Variants in FAM13A observed in about 807,000 individuals in gnomAD.
The protein encoded by FAM13A is protein FAM13A.
In FAM13A, 76 loss-of-function variants were observed where a neutral mutation model predicts 129.6. That is an observed-to-expected ratio of 0.59 (90% confidence interval 0.49 to 0.71). FAM13A has a LOEUF of 0.71. FAM13A is among the 30% of genes least tolerant of loss of function. The probability of loss-of-function intolerance (pLI) is 0.00; values close to 1 mark genes in which losing one functional copy is unlikely to be tolerated. For synonymous variants in FAM13A, 443 were observed against 449.9 expected (o/e 0.98, Z 0.20); for missense variants, 1,108 against 1,249.3 (o/e 0.89, Z 1.70).
chr4:88,824,384 A>G (rs939960737), intron 7 of FAM13A, among the ~76,000 whole-genome samples: 9 of 152,198 alleles, frequency 5.9e-5, no homozygotes, highest in Non-Finnish European at 5.9e-5. Flanking sequence ...CCTATTTATT[A>G]TAAGACATCT....
intron 2 of FAM13A, among the ~76,000 whole-genome samples, chr4:89,026,601 T>A (rs1479443468): frequency 6.6e-6 from 1 of 152,176 alleles, no homozygotes; most frequent in African/African-American, 2.4e-5. Context: ...AGGCACCTTC[T>A]TCACAAGGCA....
At chr4:88,882,857 A>G (rs975582183) in intron 6 of FAM13A, among the ~76,000 whole-genome samples, 2 of 152,144 alleles carry the variant, frequency 1.3e-5, no homozygotes, top group Admixed American at 6.5e-5. Flanking sequence ...AACAAGCAGG[A>G]GTAGCTATTC....
At chr4:88,799,850 C>T (rs542413524) in intron 8 of FAM13A, among the ~76,000 whole-genome samples, 2 of 152,316 alleles carry the variant, frequency 1.3e-5, no homozygotes, top group African/African-American at 2.4e-5. Context: ...GATATTTGTA[C>T]ATCCATGTTC....
chr4:88,786,231 C>G (rs1040209256), intron 10 of FAM13A, among the ~76,000 whole-genome samples: 5 of 152,134 alleles, frequency 3.3e-5, no homozygotes, highest in African/African-American at 1.2e-4. Context: ...ACTCTCTGTT[C>G]TCTCTCATGC....
In FAM13A at chr4:88,743,312, C is replaced by T. The variant is rs557201131; in HGVS notation, c.2466+3620G>A. On this transcript the variant is annotated intron_variant, in intron 19 of 23. Transcript: ENST00000264344. ...GGCAGCTGCATTTGTCTGCCTTTAT[C>T]TTTTGTGACGGTTTTGGTCTTAGCT... 3.9e-5 allele frequency among the ~76,000 whole-genome samples: 6 copies of T among 152,328 alleles called. No homozygotes were observed. The South Asian group carries it at 1.2e-3, about 32-fold the overall frequency.
chr4:88,837,718 CAAAAA>C (rs34184242), intron 7 of FAM13A, among the ~76,000 whole-genome samples: 1 of 71,588 alleles, frequency 1.4e-5, no homozygotes, highest in Admixed American at 1.6e-4. Context: ...AACTCCGTCT[CAAAAA>C]AAAAAAAAAA....
chr4:88,810,420 G>A (rs1244478344), intron 7 of FAM13A, among the ~76,000 whole-genome samples: 1 of 152,080 alleles, frequency 6.6e-6, no homozygotes, highest in Non-Finnish European at 1.5e-5. Context: ...AGATGGGCCT[G>A]AATCTAATAT....
chr4:89,027,749 A>C (rs1332905697), intron 2 of FAM13A, among the ~76,000 whole-genome samples: 4 of 152,156 alleles, frequency 2.6e-5, no homozygotes, highest in Non-Finnish European at 4.4e-5. Context: ...AAGCACTGTG[A>C]TACCACAATG....
intron 4 of FAM13A, among the ~76,000 whole-genome samples, chr4:88,989,184 G>T (rs984743892): frequency 6.7e-6 from 1 of 149,494 alleles, no homozygotes; most frequent in Non-Finnish European, 1.5e-5. Flanking sequence ...CTCCAACCTG[G>T]GTGACAGAGC....
At chr4:88,818,210 A>C (rs1436429292) in intron 7 of FAM13A, among the ~76,000 whole-genome samples, 6 of 151,948 alleles carry the variant, frequency 3.9e-5, no homozygotes, top group African/African-American at 1.5e-4. Context: ...CATGTTGGCC[A>C]GGCTGGTCTC....
chr4:88,740,548 GCTGT>G (rs1740018136), intron 19 of FAM13A, among the ~76,000 whole-genome samples: 1 of 152,190 alleles, frequency 6.6e-6, no homozygotes, highest in African/African-American at 2.4e-5. Context: ...CTTCAAGTTA[GCTGT>G]TTGTCTCCTG....
intron 5 of FAM13A, among the ~76,000 whole-genome samples, chr4:88,926,137 T>TA (rs112457204): frequency 2.0e-5 from 3 of 152,064 alleles, no homozygotes; most frequent in African/African-American, 7.2e-5. Flanking sequence ...GGCAACAGTG[T>TA]AAAATACACA....
intron 1 of FAM13A, among the ~76,000 whole-genome samples, chr4:89,055,274 T>C (rs778135877): frequency 6.6e-6 from 1 of 152,204 alleles, no homozygotes; most frequent in Non-Finnish European, 1.5e-5. Flanking sequence ...AGATATGCTA[T>C]GGTACAACTG....
chr4:89,033,783 T>C (rs935986893), intron 1 of FAM13A, among the ~76,000 whole-genome samples: 1 of 152,148 alleles, frequency 6.6e-6, no homozygotes, highest in Non-Finnish European at 1.5e-5. Context: ...TCACAGACAC[T>C]GTTGTACATG....
At chr4:88,972,914 A>G (rs962744148) in intron 4 of FAM13A, among the ~76,000 whole-genome samples, 1 of 151,934 alleles carries the variant, frequency 6.6e-6, no homozygotes, top group African/African-American at 2.4e-5. Context: ...GGCCTCCTTC[A>G]CTTTTGGGTA....
chr4:88,827,718 A>T (rs1294121333), intron 7 of FAM13A, among the ~76,000 whole-genome samples: 1 of 152,144 alleles, frequency 6.6e-6, no homozygotes, highest in Non-Finnish European at 1.5e-5. Context: ...TCTTTAATCA[A>T]TCTGCCTAGG....
chr4:88,754,710 T>C (rs1743283555), intron 14 of FAM13A, among the ~76,000 whole-genome samples: 1 of 152,214 alleles, frequency 6.6e-6, no homozygotes. Flanking sequence ...ATGTTAGTCC[T>C]ATGAAATTGT....
At chr4:88,865,875 TCTC>T (rs1343545470) in intron 6 of FAM13A, among the ~76,000 whole-genome samples, 1 of 95,766 alleles carries the variant, frequency 1.0e-5, no homozygotes. Flanking sequence ...CCTTTGTCTC[TCTC>T]TTTTTTTTTT....
rs1183640454 is a variant in FAM13A, at chr4:88,892,173, C to CT, written c.843+14205dup. On this transcript the variant is annotated intron_variant, in intron 6 of 23. Coordinates refer to ENST00000264344, the MANE Select transcript of FAM13A (RefSeq NM_014883.4). Reference sequence around the variant, plus strand: ...TGGGCCAGACAGAGCAAGATCCTGTCTTTTTTTTTTTTTTTTTTTTTTTTG... The same window carrying CT: ...TGGGCCAGACAGAGCAAGATCCTGTCTTTTTTTTTTTTTTTTTTTTTTTTTG... Among the ~76,000 whole-genome samples the CT allele has an allele frequency of 5.5e-3, 371 of 67,922 alleles. 10 individuals carry two copies. The highest frequency in any genetic ancestry group is 9.6e-3 in the Middle Eastern group (1 of 104). The allele number at this position is 67,922 out of a possible 152,430, so 44.6% of individuals were successfully genotyped here.
Sources: allele counts gnomAD v4.1 joint callset (sites outside exome capture counted in the v4.1 genomes callset), GRCh38; gene constraint gnomAD v4.1.1; transcripts MANE v1.5; gene names NCBI Gene and HGNC (gene_info 2026-07-23, HGNC 2026-07-21).